Variants in PHIP observed in about 807,000 individuals in gnomAD.
PHIP encodes the protein PHIP subunit of CUL4-Ring ligase complex.
In PHIP, 54 loss-of-function variants were observed where a neutral mutation model predicts 236.8. That is an observed-to-expected ratio of 0.23 (90% CI 0.18 to 0.29). The LOEUF (loss-of-function observed/expected upper bound fraction) is 0.29. Among genes scored for constraint, PHIP ranks in the 10% least tolerant of loss-of-function variants. PHIP has a pLI of 1.00. For synonymous variants in PHIP, 756 were observed against 718.9 expected, an observed-to-expected ratio of 1.05 and a Z score of -0.83; for missense variants, 1,370 against 2,190.8, an observed-to-expected ratio of 0.63 and a Z score of 7.48.
chr6:78,957,282 C>T (rs1766481755), intron 32 of PHIP: 1 of 151,904 alleles, frequency 6.6e-6, no homozygotes, highest in Admixed American at 6.6e-5. Context: ...AACAGATACA[C>T]ATACACATAG....
rs539269149 is a variant in PHIP, at chr6:78,978,744, T to C, written c.2770-33A>G. 43 of 1,542,754 alleles carry C rather than the reference T, an allele frequency of 2.8e-5. No individual in the cohort carries two copies. In the Admixed American group the frequency reaches 7.3e-4, roughly 26 times the overall value. On this transcript the variant is annotated intron_variant, in intron 23 of 39. Transcript: ENST00000275034. Reference sequence around the variant, plus strand: ...AATTTAAGTAATAATTGTTAAGTAATAATCAAAAAAGCATTAATCCACAAA... The same window carrying C: ...AATTTAAGTAATAATTGTTAAGTAACAATCAAAAAAGCATTAATCCACAAA...
chr6:79,023,679 T>G, intron 9 of PHIP, among the ~76,000 whole-genome samples: 1 of 152,006 alleles, frequency 6.6e-6, no homozygotes, highest in East Asian at 1.9e-4. Context: ...GAAAAAATAC[T>G]GTATTAGGGT....
intron 39 of PHIP, among the ~76,000 whole-genome samples, chr6:78,941,945 A>T (rs1330193291): frequency 1.3e-5 from 2 of 152,202 alleles, no homozygotes; most frequent in Non-Finnish European, 2.9e-5. Context: ...TCTGGAGATG[A>T]TGAATTACCT....
chr6:78,961,487 G>T (rs776430651), intron 31 of PHIP, among the ~76,000 whole-genome samples: 1 of 151,920 alleles, frequency 6.6e-6, no homozygotes, highest in Non-Finnish European at 1.5e-5. Context: ...CAGCAGCATC[G>T]ACATTACTGG....
rs540254149 is a variant in PHIP, at chr6:78,936,311, CAT to C, written c.*4380_*4381del. 4.4e-4 allele frequency: 67 copies of C among 152,028 alleles called. No individual in the cohort carries two copies. The highest frequency in any genetic ancestry group is 1.6e-3 in the Admixed American group (25 of 15,278). The allele number at this position is 152,028 out of a possible 1,614,324, so 9.4% of individuals were successfully genotyped here. A position where few individuals can be genotyped will look rare whatever the true frequency, so the allele number is the denominator to read the frequency against. On this transcript the variant is annotated 3_prime_UTR_variant, in exon 40 of 40. Transcript: ENST00000275034. Reference sequence around the variant, plus strand: ...TTTAAAAATTGAGCTACATTCTACACATGTCTAAATATCCTGTGACAGGATTT... The same window carrying C: ...TTTAAAAATTGAGCTACATTCTACACGTCTAAATATCCTGTGACAGGATTT...
At chr6:78,979,009 T>C (rs1379086927) in intron 23 of PHIP, among the ~76,000 whole-genome samples, 1 of 152,138 alleles carries the variant, frequency 6.6e-6, no homozygotes, top group African/African-American at 2.4e-5. Context: ...GGCACTGTAG[T>C]AGGTATTATA....
At position 78,943,983 on chromosome 6, in the gene PHIP, CT is replaced by C. The variant is rs201550604; in HGVS notation, c.4828+1316del. Among the ~76,000 whole-genome samples the C allele has an allele frequency of 7.4e-4, 71 of 95,790 alleles. 1 individual carries two copies. The highest frequency in any genetic ancestry group is 1.0e-3 in the African/African-American group (25 of 24,738). The allele number at this position is 95,790 out of a possible 152,430, so 62.8% of individuals were successfully genotyped here. A position where few individuals can be genotyped will look rare whatever the true frequency, so the allele number is the denominator to read the frequency against. On this transcript the variant is annotated intron_variant, in intron 39 of 39. Coordinates refer to ENST00000275034, the MANE Select transcript of PHIP (RefSeq NM_017934.7). ...CCTCGGTGACAGAGCAAGATCCTGT[CT>C]TTTTTTAAAAAAAAAAAAAAAAAAA...
chr6:78,974,152 A>C (rs1254130868), intron 24 of PHIP, among the ~76,000 whole-genome samples: 2 of 152,112 alleles, frequency 1.3e-5, no homozygotes, highest in African/African-American at 4.8e-5. Context: ...CAAATGTAAA[A>C]GAACAGAAAT....
chr6:79,042,125 C>A (rs1772250296), intron 7 of PHIP, among the ~76,000 whole-genome samples: 2 of 151,846 alleles, frequency 1.3e-5, no homozygotes, highest in Middle Eastern at 3.2e-3. Context: ...TAATAAATAT[C>A]ATCATAATAG....
chr6:79,074,776 T>G (rs1262601296), intron 4 of PHIP, among the ~76,000 whole-genome samples: 1 of 152,136 alleles, frequency 6.6e-6, no homozygotes, highest in Non-Finnish European at 1.5e-5. Context: ...AAACTGCTCT[T>G]AAAATTCTAC....
chr6:78,980,651 C>T (rs922071255), intron 23 of PHIP, among the ~76,000 whole-genome samples: 1 of 151,912 alleles, frequency 6.6e-6, no homozygotes, highest in African/African-American at 2.4e-5. Context: ...TTGATATATA[C>T]ACAGTTATCA....
At chr6:78,968,609 C>A (rs754437746) in intron 27 of PHIP, among the ~76,000 whole-genome samples, 4 of 152,150 alleles carry the variant, frequency 2.6e-5, no homozygotes, top group African/African-American at 9.7e-5. Flanking sequence ...TACAACTGTG[C>A]ATAAAAAGTA....
rs371349886 is a variant in PHIP at position 78,988,399 on chromosome 6, T to C, written c.2320-50A>G. 3 of 1,382,436 alleles carry C rather than the reference T, an allele frequency of 2.2e-6. No individual in the cohort carries two copies. The African/African-American group carries it at 4.5e-5, about 21-fold the overall frequency. The allele number at this position is 1,382,436 out of a possible 1,614,324, so 85.6% of individuals were successfully genotyped here. ...TTCACAGATTGTTTAAAGAGCAGGA[T>C]TTTTAGTTTAAAAGTTAAAATTTTT... On this transcript the variant is annotated intron_variant, in intron 20 of 39. Coordinates refer to ENST00000275034, the MANE Select transcript of PHIP (RefSeq NM_017934.7).
chr6:79,024,844 T>C (rs996649647), intron 9 of PHIP, among the ~76,000 whole-genome samples: 1 of 152,038 alleles, frequency 6.6e-6, no homozygotes, highest in Non-Finnish European at 1.5e-5. Flanking sequence ...AGATATGGTA[T>C]AGAAAGCATC....
intron 6 of PHIP, among the ~76,000 whole-genome samples, chr6:79,058,230 T>C (rs1437007300): frequency 1.3e-5 from 2 of 152,094 alleles, no homozygotes; most frequent in Non-Finnish European, 2.9e-5. Flanking sequence ...ATTACATTTC[T>C]ATGCTTGGAT....
intron 4 of PHIP, 27 bp from the exon 5 acceptor site, chr6:79,060,845 G>T: frequency 7.0e-7 from 1 of 1,437,508 alleles, no homozygotes; most frequent in Admixed American, 2.3e-5. Context: ...AAATATAGTA[G>T]GTTTCAGTTT....
At chr6:78,991,752 C>T (rs537723485) in intron 19 of PHIP, among the ~76,000 whole-genome samples, 1 of 151,998 alleles carries the variant, frequency 6.6e-6, no homozygotes, top group Non-Finnish European at 1.5e-5. Context: ...CTTAACGGCA[C>T]AATCTCCATT....
intron 4 of PHIP, among the ~76,000 whole-genome samples, chr6:79,064,843 C>T (rs930175250): frequency 6.6e-6 from 1 of 152,180 alleles, no homozygotes; most frequent in Non-Finnish European, 1.5e-5. Context: ...CTATTTATAG[C>T]ATAGACTTGC....
chr6:79,046,138 G>C (rs113258317), intron 6 of PHIP, among the ~76,000 whole-genome samples: 1 of 151,994 alleles, frequency 6.6e-6, no homozygotes, highest in Non-Finnish European at 1.5e-5. Flanking sequence ...GCTACTTCTC[G>C]CCTTGACCTG....
Sources: gnomAD v4.1 joint callset for allele counts (sites outside exome capture counted in the v4.1 genomes callset) on GRCh38, gnomAD v4.1.1 for gene constraint, MANE v1.5 for transcripts, NCBI Gene and HGNC (gene_info 2026-07-23, HGNC 2026-07-21) for gene names.